The following CDC42BPB variants were observed in gnomAD, a reference collection of about 807,000 sequenced individuals.
The protein encoded by CDC42BPB is CDC42 binding protein kinase beta, also known as serine/threonine-protein kinase MRCK beta.
CDC42BPB carries 37 observed loss-of-function variants against 214.9 expected under a neutral mutation model. That is an observed-to-expected ratio of 0.17 (90% CI 0.13 to 0.23). The LOEUF is 0.23. CDC42BPB is among the 10% of genes least tolerant of loss of function. The pLI, the probability that CDC42BPB is intolerant of heterozygous loss-of-function variation, is 1.00. For missense variants in CDC42BPB, 1,694 were observed against 2,227.0 expected (o/e 0.76, Z 4.82); for synonymous variants, 931 against 884.0 (o/e 1.05, Z -0.94).
In CDC42BPB at chr14:103,012,760, G is replaced by A. The variant is rs1348613157; in HGVS notation, c.176-572C>T. Among the ~76,000 whole-genome samples, 4 of 152,134 alleles carry A rather than the reference G, an allele frequency of 2.6e-5. No homozygotes were observed. In the East Asian group the frequency reaches 5.8e-4, roughly 22 times the overall value. ...CCGGAGGTTACAATGAGCCAAGATC[G>A]TGCCACTGCACTCCAGTCTGGGCAA... On this transcript the variant is annotated intron_variant, in intron 1 of 36. Transcript: ENST00000361246.
At chr14:103,020,010 A>C (rs1422986868) in intron 1 of CDC42BPB, among the ~76,000 whole-genome samples, 2 of 152,228 alleles carry the variant, frequency 1.3e-5, no homozygotes, top group Non-Finnish European at 2.9e-5. Flanking sequence ...AGGAGTGCCC[A>C]GGGTGGGAGG....
At chr14:102,992,962 G>A (rs773612888) in intron 5 of CDC42BPB, among the ~76,000 whole-genome samples, 7 of 151,796 alleles carry the variant, frequency 4.6e-5, no homozygotes, top group Admixed American at 1.3e-4. Context: ...CCAAGTAGCC[G>A]GGATTACAGG....
chr14:102,964,912 C>A, intron 18 of CDC42BPB: 1 of 350,454 alleles, frequency 2.9e-6, no homozygotes, highest in Non-Finnish European at 4.0e-6. Flanking sequence ...AGTGCAATTT[C>A]TTTTCTTTTC....
In CDC42BPB at chr14:102,946,568, A is replaced by C. The variant is rs1254412091; in HGVS notation, c.3648T>G (p.Leu1216=). ...CCTGATTCCTCAGCCGGTTTTTATG[A>C]AGGATGGACTGGAGTCCTTCTAGAA... is the stretch of plus-strand genomic sequence containing the variant. The part of the protein sequence containing the change: ...VGILEGLQSI[L]HKNRLRNQVV... The change falls in exon 28 of 37, where the codon CTT becomes CTG. Residue 1216 remains leucine, a synonymous_variant. Transcript: ENST00000361246. 27 of 1,612,760 alleles carry C rather than the reference A, an allele frequency of 1.7e-5. No individual in the cohort carries two copies. Among genetic ancestry groups the C allele is most frequent in the Non-Finnish European group, 2.3e-5 (27 of 1,179,960 alleles).
rs999295913 is a variant in CDC42BPB at position 103,057,193 on chromosome 14, C to T, written c.-20G>A. 2.9e-6 allele frequency: 4 copies of T among 1,364,850 alleles called. No individual in the cohort carries two copies. The highest frequency in any genetic ancestry group is 3.8e-6 in the Non-Finnish European group (4 of 1,052,696). The allele number at this position is 1,364,850 out of a possible 1,614,324, so 84.5% of individuals were successfully genotyped here. ...CGACATGGTGCCGCGCGGCCCGCTC[C>T]CGACGCGCCGGCCTCTCACCGCCGG... On this transcript the variant is annotated 5_prime_UTR_variant, in exon 1 of 37. Coordinates refer to ENST00000361246, the MANE Select transcript of CDC42BPB (RefSeq NM_006035.4).
intron 20 of CDC42BPB, 128 bp from the exon 21 acceptor site, chr14:102,959,838 T>TA (rs35833302): frequency 0.3 from 211,080 of 704,940 alleles, 12,186 homozygotes; most frequent in East Asian, 0.54. Context: ...TGATCACAAT[T>TA]AAAAAAAAAA....
chr14:102,979,503 C>T (rs1893905057), intron 8 of CDC42BPB, among the ~76,000 whole-genome samples: 1 of 152,148 alleles, frequency 6.6e-6, no homozygotes, highest in Admixed American at 6.6e-5. Flanking sequence ...TGACTCGCCG[C>T]ACCCGGCCCA....
intron 30 of CDC42BPB, among the ~76,000 whole-genome samples, chr14:102,942,061 C>T (rs940296854): frequency 3.3e-5 from 5 of 152,236 alleles, no homozygotes; most frequent in African/African-American, 1.2e-4. Context: ...CCCTCTTCAA[C>T]GTTACGCTTT....
chr14:102,993,718 A>C (rs1444527790), intron 5 of CDC42BPB, among the ~76,000 whole-genome samples: 1 of 152,202 alleles, frequency 6.6e-6, no homozygotes, highest in Non-Finnish European at 1.5e-5. Context: ...TCACCCATGT[A>C]AATAAAAGAT....
At chr14:102,957,350 A>ACTGGC (rs1892757626) in intron 21 of CDC42BPB, among the ~76,000 whole-genome samples, 1 of 152,126 alleles carries the variant, frequency 6.6e-6, no homozygotes, top group Non-Finnish European at 1.5e-5. Flanking sequence ...CATGGACAGT[A>ACTGGC]CTGGCTGTAA....
chr14:103,057,064 A>T lies in CDC42BPB; in HGVS notation c.110T>A (p.Leu37Gln). ...GGCCGAGTGGCTGCACTCGGTGTAC[A>T]GGCAGACGAGCACGTCGAGCAGCGT... is the stretch of plus-strand genomic sequence containing the variant. The part of the protein sequence containing the change: ...VETLLDVLVC[L>Q]YTECSHSALR... Residue 37 changes from leucine to glutamine, a missense_variant, in exon 1 of 37, where the codon CTG (leucine) becomes CAG (glutamine). Leu to Gln is a moderately radical substitution (Grantham distance 113). Transcript: ENST00000361246. The T allele has an allele frequency of 6.6e-7, 1 of 1,524,314 alleles. No individual in the cohort carries two copies. The highest frequency in any genetic ancestry group is 8.8e-7 in the Non-Finnish European group (1 of 1,140,890). The allele number at this position is 1,524,314 out of a possible 1,614,324, so 94.4% of individuals were successfully genotyped here.
intron 1 of CDC42BPB, among the ~76,000 whole-genome samples, chr14:103,023,158 CAT>C (rs1286224186): frequency 1.4e-5 from 2 of 145,784 alleles, no homozygotes; most frequent in Non-Finnish European, 3.0e-5. Context: ...TGCGCATTAT[CAT>C]GTGGCTAATT....
chr14:103,007,840 G>A (rs962833442), intron 3 of CDC42BPB, among the ~76,000 whole-genome samples: 1 of 152,206 alleles, frequency 6.6e-6, no homozygotes, highest in Non-Finnish European at 1.5e-5. Context: ...TCTGAGTGCA[G>A]GGGAGGGGAA....
intron 29 of CDC42BPB, chr14:102,945,153 C>T (rs1021178941): frequency 2.3e-5 from 10 of 438,126 alleles, no homozygotes; most frequent in African/African-American, 4.0e-5. Context: ...CTGGGTCTGT[C>T]GGGAAAGGAC....
chr14:102,999,744 A>AT, intron 4 of CDC42BPB, 31 bp from the exon 5 acceptor site: 1 of 1,613,680 alleles, frequency 6.2e-7, no homozygotes, highest in African/African-American at 1.3e-5. Context: ...GGGAGAGAAT[A>AT]CCACATTTAG....
At chr14:102,968,828 T>C in intron 14 of CDC42BPB, 112 bp from the exon 15 acceptor site, 1 of 1,533,960 alleles carries the variant, frequency 6.5e-7, no homozygotes, top group Non-Finnish European at 8.7e-7. Flanking sequence ...AAGGACTGTG[T>C]GTGCCTGGTC....
chr14:103,033,774 G>T (rs920606142), intron 1 of CDC42BPB, among the ~76,000 whole-genome samples: 4 of 152,132 alleles, frequency 2.6e-5, no homozygotes, highest in Non-Finnish European at 2.9e-5. Context: ...TGAAAAATTA[G>T]TTTCCTTTTA....
intron 26 of CDC42BPB, among the ~76,000 whole-genome samples, chr14:102,949,559 C>T (rs529371526): frequency 2.0e-5 from 3 of 152,266 alleles, no homozygotes; most frequent in South Asian, 2.1e-4. Flanking sequence ...CCCGTTCCTG[C>T]GCACGCAGGC....
chr14:103,024,781 TAC>T (rs1886956707), intron 1 of CDC42BPB, among the ~76,000 whole-genome samples: 2 of 152,208 alleles, frequency 1.3e-5, no homozygotes, highest in African/African-American at 4.8e-5. Flanking sequence ...ATAATATCTC[TAC>T]AGGCATATGG....
Sources: allele counts gnomAD v4.1 joint callset (sites outside exome capture counted in the v4.1 genomes callset), GRCh38; gene constraint gnomAD v4.1.1; transcripts MANE v1.5; gene names NCBI Gene and HGNC (gene_info 2026-07-23, HGNC 2026-07-21).